Variants in TMEM221 observed in about 807,000 individuals in gnomAD.
TMEM221 encodes the protein Putative transmembrane protein ENSP00000342162.
A neutral mutation model predicts 10.2 loss-of-function variants in TMEM221; 11 were observed. The observed-to-expected ratio is 1.08, with a 90% confidence interval of 0.68 to 1.79. The LOEUF is 1.79. Among genes scored for constraint, TMEM221 ranks in the 40% most tolerant of loss-of-function variants. The probability of loss-of-function intolerance (pLI) is 0.00; values close to 1 mark genes in which losing one functional copy is unlikely to be tolerated. For synonymous variants in TMEM221, 172 were observed against 199.8 expected (o/e 0.86, Z 1.18); for missense variants, 382 against 417.7 (o/e 0.91, Z 0.75).
At chr19:17,438,466 C>T (rs960545489) in intron 2 of TMEM221, among the ~76,000 whole-genome samples, 1 of 152,192 alleles carries the variant, frequency 6.6e-6, no homozygotes, top group Admixed American at 6.5e-5. Context: ...GCAAGTGGTC[C>T]TCTAGCCTTG....
intron 2 of TMEM221, among the ~76,000 whole-genome samples, chr19:17,441,829 C>CTTTTTT (rs78570249): frequency 8.0e-6 from 1 of 124,834 alleles, no homozygotes; most frequent in Non-Finnish European, 1.8e-5. Flanking sequence ...AGGCCAAGGA[C>CTTTTTT]TTTTTTTTTT....
At chr19:17,439,009 C>G in intron 2 of TMEM221, among the ~76,000 whole-genome samples, 1 of 150,680 alleles carries the variant, frequency 6.6e-6, no homozygotes, top group Non-Finnish European at 1.5e-5. Context: ...AGATCGAGAC[C>G]ATCCTGGCTA....
At chr19:17,443,230 G>A (rs766102199) in intron 2 of TMEM221, among the ~76,000 whole-genome samples, 3 of 151,866 alleles carry the variant, frequency 2.0e-5, no homozygotes, top group South Asian at 2.1e-4. Context: ...GCAGTGAGCC[G>A]AGATCACACC....
At chr19:17,440,059 T>G (rs1435118454) in intron 2 of TMEM221, among the ~76,000 whole-genome samples, 1 of 152,044 alleles carries the variant, frequency 6.6e-6, no homozygotes, top group Non-Finnish European at 1.5e-5. Flanking sequence ...TGGCAGTGCT[T>G]GCCTACGGTC....
At chr19:17,447,868 C>A (rs570995123) in intron 1 of TMEM221, among the ~76,000 whole-genome samples, 3 of 152,322 alleles carry the variant, frequency 2.0e-5, no homozygotes, top group East Asian at 1.9e-4. Context: ...GCAAGCTGAT[C>A]CTGGACCCTC....
chr19:17,444,074 T>A (rs2074942695), intron 2 of TMEM221, among the ~76,000 whole-genome samples: 1 of 133,258 alleles, frequency 7.5e-6, no homozygotes, highest in South Asian at 2.5e-4. Context: ...ATGCTATCTT[T>A]TTTTTTTTTT....
chr19:17,446,705 C>G (rs1443389599), intron 1 of TMEM221, among the ~76,000 whole-genome samples: 1 of 152,044 alleles, frequency 6.6e-6, no homozygotes, highest in African/African-American at 2.4e-5. Flanking sequence ...TCCTTCTCAG[C>G]ACTCATTACC....
At chr19:17,437,971 G>A (rs1599616627) in intron 2 of TMEM221, among the ~76,000 whole-genome samples, 1 of 151,300 alleles carries the variant, frequency 6.6e-6, no homozygotes, top group South Asian at 2.1e-4. Flanking sequence ...CAGGTTGGAA[G>A]GCAGTGGCTC....
intron 2 of TMEM221, among the ~76,000 whole-genome samples, chr19:17,443,731 T>C (rs1018846143): frequency 6.6e-6 from 1 of 152,162 alleles, no homozygotes; most frequent in Non-Finnish European, 1.5e-5. Context: ...ATATTTTTTC[T>C]TCCTGTAAAA....
intron 2 of TMEM221, among the ~76,000 whole-genome samples, chr19:17,437,887 C>G (rs2074915821): frequency 6.9e-6 from 1 of 144,656 alleles, no homozygotes; most frequent in East Asian, 2.0e-4. Flanking sequence ...TCTTCTCCTT[C>G]TTCTTCTTTT....
Position 17,445,292 on chromosome 19 carries a change from G to C in TMEM221, c.321-8C>G. 6.5e-7 allele frequency: 1 copy of C among 1,533,486 alleles called. No individual in the cohort carries two copies. The highest frequency in any genetic ancestry group is 1.4e-5 in the African/African-American group (1 of 73,094). 95.0% of individuals were successfully genotyped at this position (1,533,486 alleles called of 1,614,324 possible). On this transcript the variant is annotated splice_polypyrimidine_tract_variant and splice_region_variant and intron_variant, in intron 1 of 2. Coordinates refer to ENST00000341130, the MANE Select transcript of TMEM221 (RefSeq NM_001190844.2). ...TAGAGAAACCAGTCAGACCTGGAAT[G>C]AAGGGGAGCAGGAAGATAAAGGGTT...
In TMEM221 at chr19:17,448,429, C is replaced by G; in HGVS notation, c.34G>C (p.Ala12Pro). 2 of 1,482,158 alleles carry G rather than the reference C, an allele frequency of 1.3e-6. No individual in the cohort carries two copies. Among genetic ancestry groups the G allele is most frequent in the Non-Finnish European group, 8.9e-7 (1 of 1,123,096 alleles). The allele number at this position is 1,482,158 out of a possible 1,614,324, so 91.8% of individuals were successfully genotyped here. The change falls in exon 1 of 3, where the codon GCA (alanine) becomes CCA (proline). Residue 12 changes from alanine to proline, a missense_variant. Ala to Pro is a conservative substitution (Grantham distance 27). Transcript: ENST00000341130. The surrounding 1 kb of genome is among the most constrained non-coding windows in gnomAD (Gnocchi z 4.7). ...ARSYGGRVLA[A>P]MTLLGIAAAV... The stretch of plus-strand genomic sequence containing the variant: ...GCCGCGATGCCCAGCAGGGTCATTG[C>G]AGCCAGCACCCGGCCGCCGTAAGAA...
At chr19:17,441,842 TTTG>T (rs1304643024) in intron 2 of TMEM221, among the ~76,000 whole-genome samples, 11 of 135,410 alleles carry the variant, frequency 8.1e-5, no homozygotes, top group Admixed American at 7.2e-5. Flanking sequence ...TTTTTTTTTT[TTTG>T]GCTGGAAACA....
At chr19:17,442,797 T>A (rs1009050377) in intron 2 of TMEM221, among the ~76,000 whole-genome samples, 6 of 151,994 alleles carry the variant, frequency 3.9e-5, no homozygotes, top group East Asian at 1.9e-4. Flanking sequence ...TGAAGCCAAC[T>A]TCCCCTGACA....
chr19:17,447,870 T>TG (rs1169585449), intron 1 of TMEM221, among the ~76,000 whole-genome samples: 1 of 152,210 alleles, frequency 6.6e-6, no homozygotes, highest in East Asian at 1.9e-4. Flanking sequence ...AAGCTGATCC[T>TG]GGACCCTCTT....
Position 17,437,330 on chromosome 19 carries a change from G to A in TMEM221, c.407-403C>T, listed in dbSNP as rs190000964. Among the ~76,000 whole-genome samples the A allele has an allele frequency of 2.4e-3, 372 of 152,342 alleles. 3 individuals are homozygous for A. Among genetic ancestry groups the A allele is most frequent in the South Asian group, 0.022 (108 of 4,832 alleles). ...GAGCTGAGACCCTGGGGAAGAAGCAGCAGTTTTTGGGAGAGCTGAGGAGGA... is the reference window on the plus strand; with the variant it reads ...GAGCTGAGACCCTGGGGAAGAAGCAACAGTTTTTGGGAGAGCTGAGGAGGA... On this transcript the variant is annotated intron_variant, in intron 2 of 2. Coordinates refer to ENST00000341130, the MANE Select transcript of TMEM221 (RefSeq NM_001190844.2).
At chr19:17,440,222 A>ATTT (rs71162130) in intron 2 of TMEM221, among the ~76,000 whole-genome samples, 22 of 96,418 alleles carry the variant, frequency 2.3e-4, no homozygotes, top group Non-Finnish European at 3.5e-4. Flanking sequence ...TTAAAATGGT[A>ATTT]TTTTTTTTTT....
chr19:17,445,846 CAATT>C (rs2074951226), intron 1 of TMEM221, among the ~76,000 whole-genome samples: 1 of 151,222 alleles, frequency 6.6e-6, no homozygotes, highest in Non-Finnish European at 1.5e-5. Context: ...ATCCACTTAT[CAATT>C]CATTCATCCA....
rs747353220 is a variant in TMEM221, at chr19:17,436,602, T to C, written c.732A>G (p.Gly244=). 1.3e-5 allele frequency: 20 copies of C among 1,536,070 alleles called. No individual in the cohort carries two copies. The Middle Eastern group carries it at 1.0e-3, about 77-fold the overall frequency. The part of the protein sequence containing the change: ...ATATAPAALE[G]GWESSLPASR... Reference sequence around the variant, plus strand: ...ATGCAGGCAGGCTGCTCTCCCAGCCTCCCTCCAGGGCTGCAGGTGCTGTGG... The same window carrying C: ...ATGCAGGCAGGCTGCTCTCCCAGCCCCCCTCCAGGGCTGCAGGTGCTGTGG... The change falls in exon 3 of 3, where the codon GGA becomes GGG. Residue 244 remains glycine (G), a synonymous_variant. Transcript: ENST00000341130.
Sources: gnomAD v4.1 joint callset for allele counts (sites outside exome capture counted in the v4.1 genomes callset) on GRCh38, gnomAD v4.1.1 for gene constraint, Gnocchi (gnomAD v3.1) non-coding constraint, MANE v1.5 for transcripts, NCBI Gene and HGNC (gene_info 2026-07-23, HGNC 2026-07-21) for gene names.